The following PDE4D variants were observed in gnomAD, a reference collection of about 807,000 sequenced individuals.
PDE4D encodes phosphodiesterase 4D.
Under a neutral mutation model 87.4 loss-of-function variants are expected in PDE4D, and 24 were observed. The ratio of observed to expected loss-of-function variants is 0.27; its 90% CI spans 0.20 to 0.39. The LOEUF is 0.39. Ranked by LOEUF, PDE4D falls within the 10% of genes least tolerant of loss-of-function variation. The probability of loss-of-function intolerance (pLI) is 1.00; values close to 1 mark genes in which losing one functional copy is unlikely to be tolerated. For synonymous variants in PDE4D, 384 were observed against 383.2 expected, an observed-to-expected ratio of 1.00 and a Z score of -0.02; for missense variants, 714 against 1,041.0, an observed-to-expected ratio of 0.69 and a Z score of 4.32.
At chr5:59,714,153 C>G (rs1029113993) in intron 1 of PDE4D, among the ~76,000 whole-genome samples, 40 of 152,190 alleles carry the variant, frequency 2.6e-4, no homozygotes, top group African/African-American at 9.7e-4. Context: ...GGGGCCCCAA[C>G]AAGTGACCCA....
intron 5 of PDE4D, among the ~76,000 whole-genome samples, chr5:59,155,964 T>C (rs1199824119): frequency 3.3e-5 from 5 of 152,024 alleles, no homozygotes; most frequent in Admixed American, 3.3e-4. Flanking sequence ...GCTGCTGGTT[T>C]GGGAGGCTTA....
chr5:60,450,178 G>C (rs188859313), intron 1 of PDE4D, among the ~76,000 whole-genome samples: 45 of 151,990 alleles, frequency 3.0e-4, no homozygotes, highest in African/African-American at 1.1e-3. Context: ...AGCTGATTCA[G>C]ATACTTACCT....
At chr5:60,228,755 C>A (rs544092021) in intron 1 of PDE4D, among the ~76,000 whole-genome samples, 1 of 152,066 alleles carries the variant, frequency 6.6e-6, no homozygotes, top group African/African-American at 2.4e-5. Context: ...CAAAAAGCCA[C>A]ATGGAATGAC....
chr5:59,430,577 G>A, intron 1 of PDE4D: 1 of 441,212 alleles, frequency 2.3e-6, no homozygotes, highest in Non-Finnish European at 3.7e-6. Context: ...GTTTCTCGGA[G>A]GCTAAATGTA....
intron 1 of PDE4D, among the ~76,000 whole-genome samples, chr5:60,275,523 A>C (rs1751273090): frequency 6.6e-6 from 1 of 151,994 alleles, no homozygotes; most frequent in Non-Finnish European, 1.5e-5. Context: ...CAATTTATTA[A>C]TTTTAATTTC....
At chr5:59,059,687 T>C (rs1433153911) in intron 5 of PDE4D, among the ~76,000 whole-genome samples, 1 of 152,180 alleles carries the variant, frequency 6.6e-6, no homozygotes, top group East Asian at 1.9e-4. Context: ...CATTTTATCT[T>C]TAGGCCCTTA....
chr5:59,063,566 T>C (rs900307036), intron 5 of PDE4D: 2 of 152,204 alleles, frequency 1.3e-5, no homozygotes, highest in Admixed American at 6.5e-5. Context: ...GTCTAAGTGT[T>C]AATCAGTAAT....
At position 59,494,544 on chromosome 5, in the gene PDE4D, AG is replaced by A. The variant is rs1806800481; in HGVS notation, c.456-278577del. Among the ~76,000 whole-genome samples, 7 of 152,216 alleles carry A rather than the reference AG, an allele frequency of 4.6e-5. No individual in the cohort carries two copies. In the South Asian group the frequency reaches 1.4e-3, roughly 31 times the overall value. On this transcript the variant is annotated intron_variant, in intron 1 of 14. Coordinates refer to ENST00000340635, the MANE Select transcript of PDE4D (RefSeq NM_001104631.2). ...GTTCTCACAAAAGTGAGACATCAGG[AG>A]AAAGTTGAACTGTTAGTCATAACTT... is the stretch of plus-strand genomic sequence containing the variant.
intron 1 of PDE4D, among the ~76,000 whole-genome samples, chr5:59,602,368 G>A (rs1010665545): frequency 6.6e-6 from 1 of 151,970 alleles, no homozygotes; most frequent in Non-Finnish European, 1.5e-5. Flanking sequence ...AGCAAGAAAA[G>A]ATGGCCACTC....
chr5:59,675,633 T>C (rs1037090845), intron 1 of PDE4D, among the ~76,000 whole-genome samples: 4 of 152,202 alleles, frequency 2.6e-5, no homozygotes, highest in Admixed American at 6.5e-5. Flanking sequence ...TTTTGGCACA[T>C]ACCTATCTTT....
chr5:59,943,322 C>G (rs1156301307), intron 3 of PDE4D, among the ~76,000 whole-genome samples: 1 of 151,948 alleles, frequency 6.6e-6, no homozygotes, highest in Non-Finnish European at 1.5e-5. Flanking sequence ...GGCCAAGTTG[C>G]TAAAGGAGTT....
chr5:59,635,923 T>C (rs1832182806), intron 1 of PDE4D, among the ~76,000 whole-genome samples: 1 of 152,146 alleles, frequency 6.6e-6, no homozygotes, highest in Non-Finnish European at 1.5e-5. Flanking sequence ...TATATTCAAA[T>C]AGGAAGAGAG....
intron 1 of PDE4D, among the ~76,000 whole-genome samples, chr5:59,367,941 A>G (rs1479771499): frequency 6.6e-6 from 1 of 152,210 alleles, no homozygotes; most frequent in Non-Finnish European, 1.5e-5. Context: ...CTGCAAGGCA[A>G]TTTTCCTTCA....
At chr5:59,900,586 T>A (rs565616848) in intron 3 of PDE4D, among the ~76,000 whole-genome samples, 90 of 152,162 alleles carry the variant, frequency 5.9e-4, no homozygotes, top group Non-Finnish European at 1.1e-3. Flanking sequence ...TTAAAATGAG[T>A]AGATATTACC....
rs531221424 is a variant in PDE4D, at chr5:60,439,177, C to T, written c.-90+48765G>A. 2.0e-5 allele frequency among the ~76,000 whole-genome samples: 3 copies of T among 152,198 alleles called. No homozygotes were observed. The South Asian group carries it at 6.2e-4, about 32-fold the overall frequency. On this transcript the variant is annotated intron_variant, in intron 1 of 16. Coordinates refer to the PDE4D transcript ENST00000502484. ...AACATTTGTTTAAATTCCCAAAATA[C>T]CTTATGGCTTAATTAGGGACCATTG...
chr5:60,215,916 A>C (rs1330410079), intron 1 of PDE4D, among the ~76,000 whole-genome samples: 1 of 152,216 alleles, frequency 6.6e-6, no homozygotes, highest in Non-Finnish European at 1.5e-5. Flanking sequence ...CAATTATTCA[A>C]AAGCAACTAT....
chr5:60,117,085 A>C (rs896452906), intron 2 of PDE4D, among the ~76,000 whole-genome samples: 4 of 152,050 alleles, frequency 2.6e-5, no homozygotes, highest in Non-Finnish European at 5.9e-5. Context: ...TATCCACAAC[A>C]TAAGTAATTT....
At chr5:59,111,565 A>G (rs1372588781) in intron 5 of PDE4D, among the ~76,000 whole-genome samples, 1 of 152,072 alleles carries the variant, frequency 6.6e-6, no homozygotes. Context: ...TGTTTTGAGA[A>G]AAAAAAAGCC....
chr5:59,935,758 C>A (rs1194250500), intron 3 of PDE4D, among the ~76,000 whole-genome samples: 1 of 152,196 alleles, frequency 6.6e-6, no homozygotes, highest in Non-Finnish European at 1.5e-5. Context: ...TGCAGCACTT[C>A]ATCCATGTCC....
Sources: allele counts gnomAD v4.1 joint callset (sites outside exome capture counted in the v4.1 genomes callset), GRCh38; gene constraint gnomAD v4.1.1; transcripts MANE v1.5; gene names NCBI Gene and HGNC (gene_info 2026-07-23, HGNC 2026-07-21).